Variants in LAMA1 observed in about 807,000 individuals in gnomAD.
LAMA1 encodes the protein laminin subunit alpha 1, also known as laminin subunit alpha-1.
Under a neutral mutation model 348.7 loss-of-function variants are expected in LAMA1, and 219 were observed. The ratio of observed to expected loss-of-function variants is 0.63; its 90% CI spans 0.56 to 0.70. The LOEUF is 0.70. LAMA1 is among the 30% of genes least tolerant of loss of function. The pLI is 0.00. For missense variants in LAMA1, 3,744 were observed against 3,888.0 expected, an observed-to-expected ratio of 0.96 and a Z score of 0.99; for synonymous variants, 1,487 against 1,491.0, an observed-to-expected ratio of 1.00 and a Z score of 0.06.
At chr18:7,051,510 A>G (rs2058062289) in intron 3 of LAMA1, among the ~76,000 whole-genome samples, 1 of 152,192 alleles carries the variant, frequency 6.6e-6, no homozygotes, top group South Asian at 2.1e-4. Flanking sequence ...TCCTAGTAGC[A>G]TTTGTTTTCA....
At chr18:7,114,770 C>A (rs974085915) in intron 1 of LAMA1, among the ~76,000 whole-genome samples, 1 of 152,104 alleles carries the variant, frequency 6.6e-6, no homozygotes, top group Non-Finnish European at 1.5e-5. Flanking sequence ...AAATGAATAT[C>A]CATAGGATTT....
chr18:7,034,489 C>A lies in LAMA1; in HGVS notation c.2041G>T (p.Ala681Ser), dbSNP rs773676812. 6 of 1,613,842 alleles carry A rather than the reference C, an allele frequency of 3.7e-6. No homozygotes were observed. In the Admixed American group the frequency reaches 6.7e-5, roughly 18 times the overall value. Residue 681 changes from alanine (A) to serine (S), a missense_variant, in exon 14 of 63, where the codon GCT (alanine) becomes TCT (serine). Coordinates refer to ENST00000389658, the MANE Select transcript of LAMA1 (RefSeq NM_005559.4). ...ATTTTCAATACATACCTGTAAAGAG[C>A]CATTTTTGCAGAATTGTAGTTGGCT... is the stretch of plus-strand genomic sequence containing the variant. ...IRANYNSAKM[A>S]LYRLESVSLD... is the part of the protein sequence containing the mutation.
intron 56 of LAMA1, chr18:6,956,370 G>A (rs2057577747): frequency 6.5e-6 from 4 of 612,884 alleles, no homozygotes; most frequent in Non-Finnish European, 1.2e-5. Context: ...CCTTATAGAA[G>A]CTCTGCCAAA....
chr18:6,943,356 T>C lies in LAMA1; in HGVS notation c.8891A>G (p.Tyr2964Cys), dbSNP rs2057508406. ...NNGAGRITAA[Y>C]EPKTATVLCD... ...GAGCACAGTGGCGGTTTTGGGCTCA[T>C]ATGCAGCTGTTATCCTGCCAGCACC... Residue 2964 changes from tyrosine to cysteine, a missense_variant, in exon 62 of 63, where the codon TAT (tyrosine) becomes TGT (cysteine). This residue lies in a region of LAMA1 where 232 missense variants were observed against 264.4 expected (regional missense o/e 0.88). Coordinates refer to ENST00000389658, the MANE Select transcript of LAMA1 (RefSeq NM_005559.4). 3.7e-6 allele frequency: 6 copies of C among 1,614,038 alleles called. No individual in the cohort carries two copies. Among genetic ancestry groups the C allele is most frequent in the Non-Finnish European group, 5.1e-6 (6 of 1,180,036 alleles).
intron 3 of LAMA1, among the ~76,000 whole-genome samples, chr18:7,072,300 G>C (rs2058149332): frequency 6.6e-6 from 1 of 152,170 alleles, no homozygotes; most frequent in Admixed American, 6.5e-5. Flanking sequence ...ATATGACAGA[G>C]GGAAAGAAAA....
rs779612775 is a variant in LAMA1, at chr18:7,009,236, T to C, written c.4001+3A>G. On this transcript the variant is annotated splice_donor_region_variant and intron_variant, in intron 27 of 62. Transcript: ENST00000389658. ...CGGTCAAAATTCTAGAAGCTCCAAGTACCTGCTCTGCTGTAATCCTTGACC... is the reference window on the plus strand; with the variant it reads ...CGGTCAAAATTCTAGAAGCTCCAAGCACCTGCTCTGCTGTAATCCTTGACC... The C allele has an allele frequency of 6.8e-6, 11 of 1,614,136 alleles. No homozygotes were observed. The East Asian group carries it at 1.3e-4, about 20-fold the overall frequency.
chr18:7,090,336 G>A (rs1444633332), intron 1 of LAMA1, among the ~76,000 whole-genome samples: 2 of 152,006 alleles, frequency 1.3e-5, no homozygotes, highest in African/African-American at 4.8e-5. Flanking sequence ...CATTTCCAAA[G>A]GGAACTATTT....
At chr18:6,948,993 G>T in intron 59 of LAMA1, 108 bp downstream of exon 59, 1 of 1,409,744 alleles carries the variant, frequency 7.1e-7, no homozygotes. Flanking sequence ...ACAAGCCCCA[G>T]GTTCAAACAA....
At chr18:6,981,040 T>C (rs978247775) in intron 41 of LAMA1, among the ~76,000 whole-genome samples, 1 of 151,910 alleles carries the variant, frequency 6.6e-6, no homozygotes, top group Admixed American at 6.6e-5. Context: ...GAGGTGGAAC[T>C]TGCAGTGAGC....
chr18:7,053,605 C>A (rs938697708), intron 3 of LAMA1, among the ~76,000 whole-genome samples: 2 of 151,976 alleles, frequency 1.3e-5, no homozygotes, highest in Admixed American at 1.3e-4. Context: ...AGGAAACTAG[C>A]CAGACAAATC....
In LAMA1 at chr18:7,011,429, G is replaced by A. The variant is rs780887363; in HGVS notation, c.3558C>T (p.Asn1186=). The A allele has an allele frequency of 1.9e-6, 3 of 1,608,702 alleles. No homozygotes were observed. In the East Asian group the frequency reaches 6.7e-5, roughly 36 times the overall value. Residue 1186 remains asparagine (N), a synonymous_variant, in exon 25 of 63, where the codon AAC becomes AAT. Coordinates refer to ENST00000389658, the MANE Select transcript of LAMA1 (RefSeq NM_005559.4). The part of the protein sequence containing the change: ...QPLLRVVSQS[N]LRGTTEGVYY... ...AAACCCCCTCGGTCGTGCCCCTCAA[G>A]TTACTCTGAGAAACCACACGCAGAA...
In LAMA1 at chr18:7,023,285, A is replaced by G; in HGVS notation, c.2580T>C (p.Ala860=). 2.5e-6 allele frequency: 4 copies of G among 1,614,160 alleles called. No individual in the cohort carries two copies. Among genetic ancestry groups the G allele is most frequent in the Non-Finnish European group, 2.5e-6 (3 of 1,180,030 alleles). ...CCCCGGTGACTGAGTCACAGTGACC[A>G]GCCTCCGAGGGGTCCACGTTGCCGC... ...DCSGNVDPSE[A]GHCDSVTGEC... Residue 860 remains alanine, a synonymous_variant, in exon 19 of 63, where the codon GCT becomes GCC. Transcript: ENST00000389658.
rs558760134 is a variant in LAMA1, at chr18:7,026,475, C to A, written c.2275-369G>T. On this transcript the variant is annotated intron_variant, in intron 16 of 62. Coordinates refer to ENST00000389658, the MANE Select transcript of LAMA1 (RefSeq NM_005559.4). ...GTGGTCTCACAGTGTCCGCCTCCAACTGTTTTTTAGTTGCAAAAGGAAAGA... is the reference window on the plus strand; with the variant it reads ...GTGGTCTCACAGTGTCCGCCTCCAAATGTTTTTTAGTTGCAAAAGGAAAGA... Among the ~76,000 whole-genome samples the A allele has an allele frequency of 1.2e-4, 19 of 152,250 alleles. 1 individual carries two copies. In the South Asian group the frequency reaches 3.9e-3, roughly 32 times the overall value.
At chr18:7,112,377 C>T (rs1023249941) in intron 1 of LAMA1, among the ~76,000 whole-genome samples, 3 of 152,076 alleles carry the variant, frequency 2.0e-5, no homozygotes, top group African/African-American at 7.2e-5. Flanking sequence ...CATGTTTTGG[C>T]AGAAAATCAC....
In LAMA1 at chr18:6,943,264, C is replaced by G. The variant is rs199862694; in HGVS notation, c.8983G>C (p.Gly2995Arg). 6.2e-7 allele frequency: 1 copy of G among 1,614,146 alleles called. No individual in the cohort carries two copies. The highest frequency in any genetic ancestry group is 1.3e-5 in the African/African-American group (1 of 75,034). The change falls in exon 62 of 63, where the codon GGG becomes CGG. Residue 2995 changes from glycine to arginine, a missense_variant. Physicochemically the swap from Gly to Arg is moderately radical, Grantham distance 125. This residue lies in a region of LAMA1 where 232 missense variants were observed against 264.4 expected (regional missense o/e 0.88). Transcript: ENST00000389658. ...GGACTTTCAGCGCCAACTGCGTTCC[C>G]GTCAACAATCAGAGTGATACGGTGT... ...SKHRITLIVD[G>R]NAVGAESPHT...
At chr18:7,010,806 T>C (rs1156899505) in intron 25 of LAMA1, among the ~76,000 whole-genome samples, 1 of 151,986 alleles carries the variant, frequency 6.6e-6, no homozygotes, top group Non-Finnish European at 1.5e-5. Context: ...AGTAGTTTTT[T>C]CCCCCCAAAT....
At chr18:7,107,729 TAAA>T (rs1265527217) in intron 1 of LAMA1, among the ~76,000 whole-genome samples, 1 of 152,218 alleles carries the variant, frequency 6.6e-6, no homozygotes, top group Non-Finnish European at 1.5e-5. Context: ...GTGTTAACTC[TAAA>T]ATACTTTCTC....
intron 1 of LAMA1, among the ~76,000 whole-genome samples, chr18:7,099,969 G>T (rs1055892786): frequency 6.7e-6 from 1 of 149,100 alleles, no homozygotes; most frequent in Non-Finnish European, 1.5e-5. Context: ...TGAGGCAGGA[G>T]AATGGCGTGA....
At chr18:7,023,422 G>GTCT in intron 18 of LAMA1, 47 bp from the exon 19 acceptor site, 1 of 1,505,446 alleles carries the variant, frequency 6.6e-7, no homozygotes, top group Non-Finnish European at 9.2e-7. Flanking sequence ...AGTTACTTAA[G>GTCT]GCCTTACCGC....
Sources: gnomAD v4.1 joint callset for allele counts (sites outside exome capture counted in the v4.1 genomes callset) on GRCh38, gnomAD v4.1.1 for gene constraint, gnomAD v4.1.1 regional missense constraint, MANE v1.5 for transcripts, NCBI Gene and HGNC (gene_info 2026-07-23, HGNC 2026-07-21) for gene names.